Variants in SRPK1 observed in about 807,000 individuals in gnomAD.
The protein encoded by SRPK1 is SFRS protein kinase 1.
Under a neutral mutation model 89.5 loss-of-function variants are expected in SRPK1, and 52 were observed. The observed-to-expected ratio is 0.58, with a 90% CI of 0.46 to 0.73. The LOEUF (loss-of-function observed/expected upper bound fraction) is 0.73. Among genes scored for constraint, SRPK1 ranks in the 30% least tolerant of loss-of-function variants. The pLI, the probability that SRPK1 is intolerant of heterozygous loss-of-function variation, is 0.00. For synonymous variants in SRPK1, 255 were observed against 270.2 expected (o/e 0.94, Z 0.55); for missense variants, 603 against 780.6 (o/e 0.77, Z 2.71).
chr6:35,863,045 G>C (rs1769817910), intron 12 of SRPK1, among the ~76,000 whole-genome samples: 1 of 151,900 alleles, frequency 6.6e-6, no homozygotes, highest in Non-Finnish European at 1.5e-5. Context: ...CAGCTACTCA[G>C]GAGGCTGAGC....
At chr6:35,920,968 C>G in intron 1 of SRPK1, 76 bp downstream of exon 1, 2 of 1,490,294 alleles carry the variant, frequency 1.3e-6, no homozygotes, top group African/African-American at 1.5e-5. Context: ...GGCAGTTAAG[C>G]GAAGCTCCCG....
At chr6:35,906,042 T>C (rs182343093) in intron 2 of SRPK1, among the ~76,000 whole-genome samples, 215 of 152,204 alleles carry the variant, frequency 1.4e-3, no homozygotes, top group African/African-American at 4.7e-3. Context: ...AGCTATTTCC[T>C]AGCCGGGGGC....
At chr6:35,835,599 G>T in intron 15 of SRPK1, 111 bp from the exon 16 acceptor site, 2 of 953,670 alleles carry the variant, frequency 2.1e-6, no homozygotes, top group Non-Finnish European at 2.9e-6. Flanking sequence ...ATCAAATTTT[G>T]CAATCAGAAT....
At chr6:35,876,393 T>C (rs1181998379) in intron 6 of SRPK1, among the ~76,000 whole-genome samples, 2 of 152,080 alleles carry the variant, frequency 1.3e-5, no homozygotes, top group Non-Finnish European at 1.5e-5. Context: ...TCCTAGCACT[T>C]TGGGAGGCCG....
At chr6:35,856,101 C>T (rs1483006525) in intron 13 of SRPK1, among the ~76,000 whole-genome samples, 1 of 152,214 alleles carries the variant, frequency 6.6e-6, no homozygotes, top group African/African-American at 2.4e-5. Flanking sequence ...GGCTTTCCAA[C>T]TTCCCAACCT....
chr6:35,915,481 T>C (rs1771069391), intron 2 of SRPK1, among the ~76,000 whole-genome samples: 1 of 151,710 alleles, frequency 6.6e-6, no homozygotes, highest in Non-Finnish European at 1.5e-5. Flanking sequence ...TTTAAATGTA[T>C]ATACCATTCG....
intron 2 of SRPK1, among the ~76,000 whole-genome samples, chr6:35,915,991 AAT>A (rs1286740833): frequency 0.011 from 980 of 86,268 alleles, 31 homozygotes; most frequent in East Asian, 0.037. Flanking sequence ...AAAAAAAAAA[AAT>A]ATATACACAC....
At chr6:35,877,804 C>T (rs1770187184) in intron 6 of SRPK1, among the ~76,000 whole-genome samples, 1 of 150,604 alleles carries the variant, frequency 6.6e-6, no homozygotes, top group African/African-American at 2.5e-5. Context: ...CACTGCACCA[C>T]TGCACTCCAC....
intron 2 of SRPK1, among the ~76,000 whole-genome samples, chr6:35,919,374 A>AC (rs982268832): frequency 4.6e-5 from 7 of 151,682 alleles, no homozygotes; most frequent in Admixed American, 4.6e-4. Context: ...ACACCCCTAC[A>AC]CCCCCCTAAT....
chr6:35,859,082 T>C (rs6911849), intron 12 of SRPK1, among the ~76,000 whole-genome samples: 47,982 of 152,068 alleles, frequency 0.32, 7,814 homozygotes, highest in South Asian at 0.42. Context: ...TATGCTCAGT[T>C]CAGCTGAGGA....
At chr6:35,861,812 G>GT (rs549741028) in intron 12 of SRPK1, among the ~76,000 whole-genome samples, 1 of 152,194 alleles carries the variant, frequency 6.6e-6, no homozygotes, top group Non-Finnish European at 1.5e-5. Flanking sequence ...TGAGTGTACT[G>GT]TAACTCCCCA....
At chr6:35,904,515 C>G (rs151180815) in intron 2 of SRPK1, among the ~76,000 whole-genome samples, 26 of 152,110 alleles carry the variant, frequency 1.7e-4, no homozygotes, top group African/African-American at 6.0e-4. Context: ...TAAATAAAGT[C>G]GTGGGCTGGG....
intron 3 of SRPK1, among the ~76,000 whole-genome samples, chr6:35,889,964 C>T (rs902472786): frequency 1.3e-5 from 2 of 151,474 alleles, no homozygotes; most frequent in East Asian, 1.9e-4. Context: ...AAAAATTAGC[C>T]GGGTATGGTG....
chr6:35,839,015 A>ATC (rs1769243500), intron 14 of SRPK1, among the ~76,000 whole-genome samples: 1 of 152,242 alleles, frequency 6.6e-6, no homozygotes, highest in Non-Finnish European at 1.5e-5. Context: ...GCTTATCTTC[A>ATC]TCTTTAGTTC....
At chr6:35,888,337 G>C (rs1770451239) in intron 4 of SRPK1, among the ~76,000 whole-genome samples, 1 of 152,114 alleles carries the variant, frequency 6.6e-6, no homozygotes, top group South Asian at 2.1e-4. Flanking sequence ...CTCAGTTGTT[G>C]AACATTTTCT....
chr6:35,838,472 C>A (rs771236043), intron 14 of SRPK1, 43 bp from the exon 15 acceptor site: 3 of 1,501,160 alleles, frequency 2.0e-6, no homozygotes, highest in African/African-American at 2.8e-5. Flanking sequence ...AAAAAAGATC[C>A]GTAACAAGAG....
chr6:35,852,778 T>C (rs986222142), intron 13 of SRPK1, among the ~76,000 whole-genome samples: 1 of 152,184 alleles, frequency 6.6e-6, no homozygotes, highest in African/African-American at 2.4e-5. Context: ...AAGACAGTTA[T>C]GGATAAACCC....
chr6:35,890,151 G>C (rs1770489937), intron 3 of SRPK1, among the ~76,000 whole-genome samples: 2 of 152,026 alleles, frequency 1.3e-5, no homozygotes, highest in Non-Finnish European at 1.5e-5. Context: ...GCCAGGCGTG[G>C]TGGTGGGTGC....
chr6:35,920,657 C>T lies in SRPK1; in HGVS notation c.14-129G>A, dbSNP rs563385914. ...CCTCGGGGGCGGCTGCGGGCTCCGGCGAGGCGGCCGGCCGTGGGGCTGGCG... is the reference window on the plus strand; with the variant it reads ...CCTCGGGGGCGGCTGCGGGCTCCGGTGAGGCGGCCGGCCGTGGGGCTGGCG... On this transcript the variant is annotated intron_variant, in intron 1 of 15. Transcript: ENST00000373825. The T allele has an allele frequency of 3.0e-4, 170 of 566,412 alleles. 3 individuals carry two copies. The South Asian group carries it at 0.012, about 40-fold the overall frequency. 35.1% of individuals were successfully genotyped at this position (566,412 alleles called of 1,614,324 possible).
Sources: gnomAD v4.1 joint callset for allele counts (sites outside exome capture counted in the v4.1 genomes callset) on GRCh38, gnomAD v4.1.1 for gene constraint, MANE v1.5 for transcripts, NCBI Gene and HGNC (gene_info 2026-07-23, HGNC 2026-07-21) for gene names.